Variants in MYO16 observed in about 807,000 individuals in gnomAD.
The protein encoded by MYO16 is myosin XVI, also known as unconventional myosin-XVI.
Under a neutral mutation model 205.3 loss-of-function variants are expected in MYO16, and 94 were observed. The observed-to-expected ratio is 0.46, with a 90% CI of 0.39 to 0.54. The LOEUF is 0.54. Ranked by LOEUF, MYO16 falls within the 20% of genes least tolerant of loss-of-function variation. The probability of loss-of-function intolerance (pLI) is 0.00; values close to 1 mark genes in which losing one functional copy is unlikely to be tolerated. For missense variants in MYO16, 2,315 were observed against 2,387.5 expected, an observed-to-expected ratio of 0.97 and a Z score of 0.63; for synonymous variants, 988 against 954.0, an observed-to-expected ratio of 1.04 and a Z score of -0.66.
At chr13:108,950,955 T>A (rs1018245139) in intron 16 of MYO16, among the ~76,000 whole-genome samples, 20 of 152,184 alleles carry the variant, frequency 1.3e-4, no homozygotes, top group African/African-American at 4.3e-4. Flanking sequence ...TCTTTATTTT[T>A]CCCTTTCGAA....
At chr13:108,719,291 A>C (rs1362131414) in intron 3 of MYO16, among the ~76,000 whole-genome samples, 1 of 152,198 alleles carries the variant, frequency 6.6e-6, no homozygotes, top group African/African-American at 2.4e-5. Context: ...TGTAGCAAGA[A>C]AGGGTTTCCT....
chr13:109,040,301 C>T lies in MYO16; in HGVS notation c.2797-6615C>T, dbSNP rs925787045. On this transcript the variant is annotated intron_variant, in intron 23 of 34. Transcript: ENST00000457511. ...TTTCTAGAAAATAGAAAAGAATACT[C>T]TCTAATTCATTTGATAAAGCAAGTA... 9.9e-5 allele frequency among the ~76,000 whole-genome samples: 15 copies of T among 151,466 alleles called. No individual in the cohort carries two copies. In the East Asian group the frequency reaches 2.7e-3, roughly 27 times the overall value.
chr13:109,058,060 C>T (rs1309347534), intron 27 of MYO16, among the ~76,000 whole-genome samples: 3 of 152,110 alleles, frequency 2.0e-5, no homozygotes, highest in South Asian at 2.1e-4. Flanking sequence ...CTGGGCTCCC[C>T]ACCCCAAGTT....
At chr13:109,126,401 A>G (rs1876252912) in intron 30 of MYO16, among the ~76,000 whole-genome samples, 1 of 152,250 alleles carries the variant, frequency 6.6e-6, no homozygotes. Flanking sequence ...AGATATAATT[A>G]TAAAAACAAA....
chr13:108,680,653 A>G (rs1023250142), intron 2 of MYO16, among the ~76,000 whole-genome samples: 2 of 152,220 alleles, frequency 1.3e-5, no homozygotes, highest in South Asian at 4.1e-4. Flanking sequence ...TATTATACAC[A>G]TGGAGAAATT....
At chr13:108,699,324 T>G (rs1883212099) in intron 2 of MYO16, among the ~76,000 whole-genome samples, 1 of 152,146 alleles carries the variant, frequency 6.6e-6, no homozygotes, top group Non-Finnish European at 1.5e-5. Context: ...GTGTTCTTTA[T>G]TTTTGTTTTT....
chr13:108,754,716 A>T (rs9587666), intron 4 of MYO16, among the ~76,000 whole-genome samples: 5,280 of 152,200 alleles, frequency 0.035, 310 homozygotes, highest in African/African-American at 0.12. Context: ...CTCACAAATA[A>T]ACTTCAAAAA....
At chr13:109,089,405 G>A (rs999049429) in intron 27 of MYO16, among the ~76,000 whole-genome samples, 4 of 151,866 alleles carry the variant, frequency 2.6e-5, no homozygotes, top group Non-Finnish European at 1.5e-5. Flanking sequence ...GTAGAGACGG[G>A]GTTTCGCCAT....
At chr13:108,684,806 C>T (rs1279350519) in intron 2 of MYO16, among the ~76,000 whole-genome samples, 2 of 152,200 alleles carry the variant, frequency 1.3e-5, no homozygotes, top group Non-Finnish European at 2.9e-5. Flanking sequence ...TCCCGGATTA[C>T]TGAACACACT....
At chr13:108,834,883 A>T (rs1242456273) in intron 9 of MYO16, among the ~76,000 whole-genome samples, 1 of 152,086 alleles carries the variant, frequency 6.6e-6, no homozygotes, top group Non-Finnish European at 1.5e-5. Context: ...ATTGAAGTTA[A>T]ATTTTCTGAA....
chr13:108,945,169 G>A (rs1882887510), intron 16 of MYO16, among the ~76,000 whole-genome samples: 1 of 152,122 alleles, frequency 6.6e-6, no homozygotes. Context: ...CTCTAAATTA[G>A]AATATTACAA....
At chr13:108,658,405 C>T in intron 1 of MYO16, among the ~76,000 whole-genome samples, 1 of 140,562 alleles carries the variant, frequency 7.1e-6, no homozygotes, top group Non-Finnish European at 1.5e-5. Context: ...TATTTTCTTC[C>T]TTCTTTTTTT....
chr13:108,711,585 GC>G (rs1233463662), intron 2 of MYO16, among the ~76,000 whole-genome samples: 1 of 152,326 alleles, frequency 6.6e-6, no homozygotes, highest in East Asian at 1.9e-4. Flanking sequence ...TGGAGAGGAA[GC>G]TTTGCATAGT....
chr13:109,099,125 G>T (rs368913616), intron 27 of MYO16, among the ~76,000 whole-genome samples: 5 of 152,198 alleles, frequency 3.3e-5, no homozygotes, highest in African/African-American at 9.6e-5. Context: ...CGTCTCTTTA[G>T]CAAAACGTCT....
intron 20 of MYO16, among the ~76,000 whole-genome samples, chr13:108,974,729 A>C (rs899939126): frequency 1.3e-5 from 2 of 152,190 alleles, no homozygotes; most frequent in Admixed American, 6.6e-5. Context: ...TAAAACAGTA[A>C]AATGACACTA....
chr13:109,153,992 G>A (rs1387772464), intron 32 of MYO16, among the ~76,000 whole-genome samples: 2 of 152,140 alleles, frequency 1.3e-5, no homozygotes, highest in Non-Finnish European at 2.9e-5. Flanking sequence ...GGGAAATTGG[G>A]TCACGTGAGC....
intron 12 of MYO16, among the ~76,000 whole-genome samples, chr13:108,879,810 C>T (rs184234076): frequency 2.8e-3 from 426 of 152,180 alleles, no homozygotes; most frequent in Middle Eastern, 0.014. Context: ...TGAGTAGTGC[C>T]GCAATAAACA....
At chr13:109,130,333 T>C (rs1413321574) in intron 31 of MYO16, among the ~76,000 whole-genome samples, 1 of 152,214 alleles carries the variant, frequency 6.6e-6, no homozygotes, top group African/African-American at 2.4e-5. Context: ...GGCAAGTGTA[T>C]GCATTGTTTC....
At chr13:108,703,097 A>C (rs1342052067) in intron 2 of MYO16, among the ~76,000 whole-genome samples, 12 of 150,418 alleles carry the variant, frequency 8.0e-5, no homozygotes, top group African/African-American at 2.4e-4. Context: ...TAATTGCATT[A>C]ATATAAATGG....
Sources: allele counts gnomAD v4.1 joint callset (sites outside exome capture counted in the v4.1 genomes callset), GRCh38; gene constraint gnomAD v4.1.1; transcripts MANE v1.5; gene names NCBI Gene and HGNC (gene_info 2026-07-23, HGNC 2026-07-21).